Variants in TAF1B observed in about 807,000 individuals in gnomAD.
TAF1B encodes TATA-box binding protein associated factor, RNA polymerase I subunit B, also known as TATA box-binding protein-associated factor RNA polymerase I subunit B.
TAF1B carries 61 observed loss-of-function variants against 83.9 expected under a neutral mutation model. The ratio of observed to expected loss-of-function variants is 0.73; its 90% confidence interval spans 0.59 to 0.90. The LOEUF is 0.90. Ranked by LOEUF, TAF1B falls within the 40% of genes least tolerant of loss-of-function variation. The pLI is 0.00. For synonymous variants in TAF1B, 221 were observed against 224.6 expected, an observed-to-expected ratio of 0.98 and a Z score of 0.14; for missense variants, 625 against 677.0, an observed-to-expected ratio of 0.92 and a Z score of 0.85.
chr2:9,920,319 G>A (rs1272353871), intron 14 of TAF1B, among the ~76,000 whole-genome samples: 1 of 152,060 alleles, frequency 6.6e-6, no homozygotes, highest in East Asian at 1.9e-4. Context: ...TTTATAGCAG[G>A]ATCAAGTTCA....
Position 9,860,573 on chromosome 2 carries a change from G to A in TAF1B, c.399+6152G>A, listed in dbSNP as rs115519295. ...CATCACCAAGGTATGAAGACAGAGA[G>A]AGGACCAATAACTTAGCCCTAGGTC... On this transcript the variant is annotated intron_variant, in intron 5 of 14. Coordinates refer to ENST00000263663, the MANE Select transcript of TAF1B (RefSeq NM_005680.3). 3.2e-3 allele frequency among the ~76,000 whole-genome samples: 482 copies of A among 152,324 alleles called. 3 individuals carry two copies. The highest frequency in any genetic ancestry group is 0.011 in the African/African-American group (464 of 41,558).
rs1445686744 is a variant in TAF1B, at chr2:9,934,215, T to C, written c.*231T>C. The C allele has an allele frequency of 7.5e-6, 3 of 398,388 alleles. No homozygotes were observed. Among genetic ancestry groups the C allele is most frequent in the Non-Finnish European group, 1.4e-5 (3 of 221,826 alleles). The allele number at this position is 398,388 out of a possible 1,614,324, so 24.7% of individuals were successfully genotyped here. A position where few individuals can be genotyped will look rare whatever the true frequency, so the allele number is the denominator to read the frequency against. ...ACATTCTAAGAGAAAGTTAAAACAA[T>C]AGCAAATTGTATAATTGTATCCAGA... On this transcript the variant is annotated 3_prime_UTR_variant, in exon 15 of 15. Coordinates refer to ENST00000263663, the MANE Select transcript of TAF1B (RefSeq NM_005680.3).
intron 14 of TAF1B, among the ~76,000 whole-genome samples, chr2:9,921,138 C>T (rs1392208195): frequency 2.0e-5 from 3 of 152,188 alleles, no homozygotes; most frequent in African/African-American, 7.2e-5. Flanking sequence ...GTCACCCAAG[C>T]TGGAGTACAG....
chr2:9,923,679 C>CAA (rs34590203), intron 14 of TAF1B, among the ~76,000 whole-genome samples: 1 of 147,904 alleles, frequency 6.8e-6, no homozygotes. Flanking sequence ...AACTCTGTCT[C>CAA]AAAAAAAAAA....
chr2:9,849,888 G>C (rs918247122), intron 3 of TAF1B, among the ~76,000 whole-genome samples: 3 of 152,152 alleles, frequency 2.0e-5, no homozygotes, highest in African/African-American at 7.2e-5. Context: ...CTTAGGTAAA[G>C]TCTAACTGAT....
intron 5 of TAF1B, among the ~76,000 whole-genome samples, chr2:9,864,494 G>A (rs1015558240): frequency 3.3e-5 from 5 of 152,108 alleles, no homozygotes; most frequent in South Asian, 2.1e-4. Flanking sequence ...ATTCACAGCC[G>A]AATTCTACCA....
In TAF1B at chr2:9,914,502, G is replaced by A. The variant is rs1205568216; in HGVS notation, c.1271+1253G>A. Among the ~76,000 whole-genome samples the A allele has an allele frequency of 3.9e-5, 6 of 152,008 alleles. No individual in the cohort carries two copies. Among genetic ancestry groups the A allele is most frequent in the Non-Finnish European group, 8.8e-5 (6 of 68,004 alleles). On this transcript the variant is annotated intron_variant, in intron 12 of 14. Coordinates refer to ENST00000263663, the MANE Select transcript of TAF1B (RefSeq NM_005680.3). The surrounding 1 kb of genome is among the most constrained non-coding windows in gnomAD (Gnocchi z 4.3). ...GGATCCTAAGGACTGGGTGCCTAGG[G>A]GCCATTCCTCCCTGGGGTCTCAGTG...
At chr2:9,878,791 C>T (rs1432802572) in intron 7 of TAF1B, among the ~76,000 whole-genome samples, 1 of 152,184 alleles carries the variant, frequency 6.6e-6, no homozygotes, top group African/African-American at 2.4e-5. Flanking sequence ...AAAACAAACA[C>T]ATACATATGG....
At chr2:9,849,508 C>T in intron 3 of TAF1B, 48 bp downstream of exon 3, 1 of 1,348,524 alleles carries the variant, frequency 7.4e-7, no homozygotes, top group Non-Finnish European at 1.0e-6. Context: ...TCACATCTTT[C>T]ACCTTCATGA....
intron 14 of TAF1B, among the ~76,000 whole-genome samples, chr2:9,931,930 G>C (rs1395445075): frequency 6.6e-6 from 1 of 152,064 alleles, no homozygotes; most frequent in East Asian, 1.9e-4. Flanking sequence ...TTCAATCACT[G>C]ATACCCTTTC....
intron 11 of TAF1B, 133 bp from the exon 12 acceptor site, chr2:9,913,026 C>G: frequency 1.5e-6 from 1 of 648,246 alleles, no homozygotes; most frequent in Non-Finnish European, 2.6e-6. Flanking sequence ...TGTTGTCTCT[C>G]TAATGTCTAC....
intron 14 of TAF1B, 30 bp downstream of exon 14, chr2:9,919,850 T>C: frequency 1.3e-6 from 2 of 1,585,170 alleles, no homozygotes; most frequent in Non-Finnish European, 1.7e-6. Flanking sequence ...AAGTCACATA[T>C]AATTGAAGTA....
intron 8 of TAF1B, among the ~76,000 whole-genome samples, chr2:9,889,186 A>G (rs1664786720): frequency 6.6e-6 from 1 of 151,660 alleles, no homozygotes; most frequent in East Asian, 1.9e-4. Flanking sequence ...ATTTGTTTAA[A>G]TTTTTTTGGC....
intron 7 of TAF1B, among the ~76,000 whole-genome samples, chr2:9,880,263 A>G (rs1202190465): frequency 2.0e-5 from 3 of 152,036 alleles, no homozygotes; most frequent in Non-Finnish European, 4.4e-5. Context: ...ATAAGTAGAG[A>G]CAGTGTTTCC....
chr2:9,867,157 A>G (rs1293832745), intron 5 of TAF1B, among the ~76,000 whole-genome samples: 3 of 152,238 alleles, frequency 2.0e-5, no homozygotes, highest in Non-Finnish European at 4.4e-5. Flanking sequence ...TGCAGGAGAG[A>G]AGAAAAATTT....
chr2:9,877,005 T>A (rs1664339601), intron 7 of TAF1B, among the ~76,000 whole-genome samples: 1 of 152,198 alleles, frequency 6.6e-6, no homozygotes, highest in East Asian at 1.9e-4. Flanking sequence ...TGATAGTGCC[T>A]TTGAATTTGG....
intron 8 of TAF1B, among the ~76,000 whole-genome samples, chr2:9,888,789 G>GTTTTTT (rs1558251667): frequency 2.4e-5 from 1 of 41,320 alleles, no homozygotes; most frequent in African/African-American, 8.2e-5. Flanking sequence ...TCTTCTGCTT[G>GTTTTTT]GTTTTTTTTT....
At position 9,875,489 on chromosome 2, in the gene TAF1B, A is replaced by G. The variant is rs139422589; in HGVS notation, c.554-376A>G. On this transcript the variant is annotated intron_variant, in intron 6 of 14. Transcript: ENST00000263663. Reference sequence around the variant, plus strand: ...ACAGAAAAAGAGGTTTAATGGACTCACAGTTCCACATGGCTGGGAGTGCCT... The same window carrying G: ...ACAGAAAAAGAGGTTTAATGGACTCGCAGTTCCACATGGCTGGGAGTGCCT... Among the ~76,000 whole-genome samples, 297 of 152,348 alleles carry G rather than the reference A, an allele frequency of 1.9e-3. 1 individual carries two copies. Among genetic ancestry groups the G allele is most frequent in the South Asian group, 0.013 (61 of 4,832 alleles).
chr2:9,873,710 A>G (rs1178427435), intron 6 of TAF1B, among the ~76,000 whole-genome samples: 5 of 147,242 alleles, frequency 3.4e-5, no homozygotes, highest in Non-Finnish European at 7.4e-5. Context: ...CCTTATAATC[A>G]TACTTGTTTT....
Sources: allele counts gnomAD v4.1 joint callset (sites outside exome capture counted in the v4.1 genomes callset), GRCh38; gene constraint gnomAD v4.1.1; non-coding constraint Gnocchi (gnomAD v3.1); transcripts MANE v1.5; gene names NCBI Gene and HGNC (gene_info 2026-07-23, HGNC 2026-07-21).